Variants in SGCZ observed in about 807,000 individuals in gnomAD.
SGCZ encodes sarcoglycan zeta, also known as zeta-sarcoglycan.
Under a neutral mutation model 41.3 loss-of-function variants are expected in SGCZ, and 40 were observed. The observed-to-expected ratio is 0.97, with a 90% CI of 0.75 to 1.26. The LOEUF (loss-of-function observed/expected upper bound fraction) is 1.26. Ranked by LOEUF, SGCZ falls within the 50% of genes most tolerant of loss-of-function variation. The probability of loss-of-function intolerance (pLI) is 0.00; values close to 1 mark genes in which losing one functional copy is unlikely to be tolerated. For synonymous variants in SGCZ, 206 were observed against 137.5 expected (o/e 1.50, Z -3.49); for missense variants, 552 against 369.8 (o/e 1.49, Z -4.04).
At chr8:14,774,970 TTGAC>T (rs968301619) in intron 1 of SGCZ, among the ~76,000 whole-genome samples, 1 of 152,162 alleles carries the variant, frequency 6.6e-6, no homozygotes, top group Non-Finnish European at 1.5e-5. Context: ...TGTAGTGACT[TTGAC>T]TGAAACACCA....
rs1739272367 is a variant in SGCZ at position 14,089,074 on chromosome 8, A to C, written c.*1369T>G. On this transcript the variant is annotated 3_prime_UTR_variant, in exon 8 of 8. Transcript: ENST00000382080. The stretch of plus-strand genomic sequence containing the variant: ...TACATTCTTTGACTCTGTAAGTTTC[A>C]AGAGTTTGAGTTAAGGGGTGCTGTG... 1.3e-5 allele frequency among the ~76,000 whole-genome samples: 2 copies of C among 152,012 alleles called. No homozygotes were observed. The highest frequency in any genetic ancestry group is 1.3e-4 in the Admixed American group (2 of 15,222).
At chr8:14,781,185 G>A (rs994811081) in intron 1 of SGCZ, among the ~76,000 whole-genome samples, 2 of 152,030 alleles carry the variant, frequency 1.3e-5, no homozygotes, top group East Asian at 1.9e-4. Flanking sequence ...TACCCCCAAA[G>A]AAATTCAAAA....
At chr8:15,085,750 G>T (rs561963390) in intron 1 of SGCZ, among the ~76,000 whole-genome samples, 1 of 151,860 alleles carries the variant, frequency 6.6e-6, no homozygotes, top group African/African-American at 2.4e-5. Flanking sequence ...ACACATCTAC[G>T]CTAGATATGA....
At chr8:14,565,326 A>G (rs1252155261) in intron 1 of SGCZ, among the ~76,000 whole-genome samples, 1 of 149,656 alleles carries the variant, frequency 6.7e-6, no homozygotes, top group African/African-American at 2.5e-5. Flanking sequence ...TTTTTTTTTG[A>G]CATTTATTTA....
intron 3 of SGCZ, among the ~76,000 whole-genome samples, chr8:14,248,980 G>C (rs755440228): frequency 6.6e-6 from 1 of 152,118 alleles, no homozygotes; most frequent in African/African-American, 2.4e-5. Context: ...ACTCAAATAA[G>C]TACAACACAG....
At chr8:14,620,372 G>C (rs547998178) in intron 1 of SGCZ, among the ~76,000 whole-genome samples, 35 of 152,294 alleles carry the variant, frequency 2.3e-4, no homozygotes, top group Admixed American at 1.1e-3. Flanking sequence ...TCAGGTCATA[G>C]GCATGGAGAA....
intron 1 of SGCZ, among the ~76,000 whole-genome samples, chr8:15,191,993 AG>A (rs1447867980): frequency 6.6e-6 from 1 of 152,114 alleles, no homozygotes; most frequent in African/African-American, 2.4e-5. Context: ...ATTGCATAAA[AG>A]TAGTACCTAC....
At chr8:14,530,734 TC>T (rs1395893266) in intron 2 of SGCZ, among the ~76,000 whole-genome samples, 4 of 151,984 alleles carry the variant, frequency 2.6e-5, no homozygotes, top group African/African-American at 9.7e-5. Flanking sequence ...TATAGCCCCA[TC>T]TATTCTGGAG....
chr8:14,954,066 C>T (rs565168260), intron 1 of SGCZ, among the ~76,000 whole-genome samples: 7 of 152,270 alleles, frequency 4.6e-5, no homozygotes, highest in African/African-American at 1.7e-4. Context: ...GAAGTATGCT[C>T]TTGAAATGCT....
chr8:14,739,026 G>A (rs940151016), intron 1 of SGCZ, among the ~76,000 whole-genome samples: 1 of 152,046 alleles, frequency 6.6e-6, no homozygotes, highest in Non-Finnish European at 1.5e-5. Context: ...TTTTAATTGT[G>A]TTAGTTGTGG....
At chr8:14,538,139 C>T (rs1194922458) in intron 2 of SGCZ, among the ~76,000 whole-genome samples, 2 of 151,914 alleles carry the variant, frequency 1.3e-5, no homozygotes, top group Non-Finnish European at 2.9e-5. Context: ...CCATTCTCTG[C>T]TGTTAGAATA....
At chr8:14,357,012 A>T (rs1286215660) in intron 2 of SGCZ, among the ~76,000 whole-genome samples, 1 of 152,118 alleles carries the variant, frequency 6.6e-6, no homozygotes, top group Non-Finnish European at 1.5e-5. Context: ...CAAAGTGATA[A>T]ATGAGAAGCA....
At chr8:14,220,727 C>A (rs1204604892) in intron 4 of SGCZ, among the ~76,000 whole-genome samples, 1 of 151,996 alleles carries the variant, frequency 6.6e-6, no homozygotes, top group Non-Finnish European at 1.5e-5. Flanking sequence ...GCGGAGCTTG[C>A]AGTGAGCTGA....
intron 5 of SGCZ, among the ~76,000 whole-genome samples, chr8:14,138,898 G>C (rs1223856472): frequency 6.6e-6 from 1 of 152,118 alleles, no homozygotes; most frequent in Non-Finnish European, 1.5e-5. Flanking sequence ...ATTCTTCTAA[G>C]CACCAAATCG....
At chr8:14,601,373 T>C (rs936585153) in intron 1 of SGCZ, among the ~76,000 whole-genome samples, 1 of 152,122 alleles carries the variant, frequency 6.6e-6, no homozygotes, top group African/African-American at 2.4e-5. Flanking sequence ...GAGAGTACAG[T>C]TTTAGGTGAA....
At chr8:14,220,402 T>C (rs1420372600) in intron 4 of SGCZ, among the ~76,000 whole-genome samples, 1 of 152,194 alleles carries the variant, frequency 6.6e-6, no homozygotes, top group Non-Finnish European at 1.5e-5. Context: ...AATAATGGTT[T>C]AGCTTTGAGA....
intron 1 of SGCZ, among the ~76,000 whole-genome samples, chr8:14,809,988 G>T (rs1351438418): frequency 6.6e-6 from 1 of 151,866 alleles, no homozygotes; most frequent in South Asian, 2.1e-4. Flanking sequence ...ACTCAAGCTG[G>T]CATATACATT....
intron 1 of SGCZ, among the ~76,000 whole-genome samples, chr8:15,073,693 C>A (rs1167147241): frequency 6.6e-6 from 1 of 152,184 alleles, no homozygotes; most frequent in Non-Finnish European, 1.5e-5. Context: ...CATAGAAACT[C>A]TGCCTGAGCT....
intron 1 of SGCZ, among the ~76,000 whole-genome samples, chr8:14,775,835 G>C (rs1462726709): frequency 6.6e-6 from 1 of 152,172 alleles, no homozygotes; most frequent in Non-Finnish European, 1.5e-5. Context: ...GCACAGGTGA[G>C]TGCAAACAGA....
Sources: gnomAD v4.1 joint callset for allele counts (sites outside exome capture counted in the v4.1 genomes callset) on GRCh38, gnomAD v4.1.1 for gene constraint, MANE v1.5 for transcripts, NCBI Gene and HGNC (gene_info 2026-07-23, HGNC 2026-07-21) for gene names.